DISP1: variants seen among roughly 807,000 people sequenced by gnomAD.
DISP1 encodes the protein dispatched RND transporter family member 1.
In DISP1, 30 loss-of-function variants were observed where a neutral mutation model predicts 37.3. That is an observed-to-expected ratio of 0.80 (90% CI 0.60 to 1.09). The LOEUF is 1.09. Ranked by LOEUF, DISP1 falls within the 50% of genes least tolerant of loss-of-function variation. The probability of loss-of-function intolerance (pLI) is 0.00; values close to 1 mark genes in which losing one functional copy is unlikely to be tolerated. For missense variants in DISP1, 1,598 were observed against 1,879.5 expected (o/e 0.85, Z 2.77); for synonymous variants, 634 against 690.2 (o/e 0.92, Z 1.28).
chr1:222,973,695 T>C (rs1431335582), intron 3 of DISP1, among the ~76,000 whole-genome samples: 4 of 152,238 alleles, frequency 2.6e-5, no homozygotes, highest in Non-Finnish European at 4.4e-5. Context: ...CATCCTTGCA[T>C]ATGCCCTCTT....
At chr1:222,871,819 A>G (rs1300853275) in intron 1 of DISP1, among the ~76,000 whole-genome samples, 1 of 152,166 alleles carries the variant, frequency 6.6e-6, no homozygotes. Context: ...AACTTCCAAC[A>G]CTATGTTGAA....
intron 1 of DISP1, among the ~76,000 whole-genome samples, chr1:222,838,912 TTTTG>T (rs1257262827): frequency 6.6e-6 from 1 of 152,224 alleles, no homozygotes; most frequent in Admixed American, 6.5e-5. Flanking sequence ...TGGATTGTAT[TTTTG>T]TTTGTTTTTC....
At chr1:223,002,090 A>T (rs1679497342) in intron 8 of DISP1, among the ~76,000 whole-genome samples, 2 of 152,140 alleles carry the variant, frequency 1.3e-5, no homozygotes, top group African/African-American at 4.8e-5. Flanking sequence ...TGTTAATTTG[A>T]TCTCCTTTTG....
intron 1 of DISP1, among the ~76,000 whole-genome samples, chr1:222,842,922 T>G (rs1279340650): frequency 1.3e-5 from 2 of 152,030 alleles, no homozygotes; most frequent in African/African-American, 4.8e-5. Flanking sequence ...TTGATGAGGT[T>G]TCAGAATAGT....
At chr1:222,836,682 G>A (rs750167512) in intron 1 of DISP1, among the ~76,000 whole-genome samples, 20 of 151,522 alleles carry the variant, frequency 1.3e-4, no homozygotes, top group Non-Finnish European at 2.6e-4. Context: ...AAAACAAATA[G>A]TATTAAGGAG....
intron 1 of DISP1, among the ~76,000 whole-genome samples, chr1:222,892,508 T>G (rs1670997736): frequency 6.6e-6 from 1 of 152,198 alleles, no homozygotes; most frequent in Non-Finnish European, 1.5e-5. Flanking sequence ...AATTGGTCAT[T>G]TGGACATGTG....
chr1:222,907,752 C>G (rs953820447), intron 1 of DISP1, among the ~76,000 whole-genome samples: 1 of 152,132 alleles, frequency 6.6e-6, no homozygotes, highest in African/African-American at 2.4e-5. Flanking sequence ...GAGTTTGAGA[C>G]CAGCCTGACC....
rs1553331700 is a variant in DISP1, at chr1:222,936,823, T to TTTATATATC, written c.-17-5984_-17-5983insTTATATATC. On this transcript the variant is annotated intron_variant, in intron 2 of 8. Transcript: ENST00000675850. Reference sequence around the variant, plus strand: ...TATTATATATATAAATTATATATAATATATATAAATTATATATATCATATA... The same window carrying TTTATATATC: ...TATTATATATATAAATTATATATAATTTATATATCATATATAAATTATATATATCATATA... Among the ~76,000 whole-genome samples the TTTATATATC allele has an allele frequency of 7.1e-3, 191 of 26,856 alleles. 5 individuals carry two copies. The highest frequency in any genetic ancestry group is 0.012 in the Non-Finnish European group (165 of 13,954). The allele number at this position is 26,856 out of a possible 152,430, so 17.6% of individuals were successfully genotyped here. A position where few individuals can be genotyped will look rare whatever the true frequency, so the allele number is the denominator to read the frequency against.
chr1:222,830,923 T>G (rs888779352), intron 1 of DISP1: 5 of 152,206 alleles, frequency 3.3e-5, no homozygotes, highest in Non-Finnish European at 7.3e-5. Context: ...GTCTTTTTTG[T>G]TTTAGGGATA....
At chr1:222,828,844 T>G (rs1207000162) in intron 1 of DISP1, among the ~76,000 whole-genome samples, 5 of 152,170 alleles carry the variant, frequency 3.3e-5, no homozygotes, top group Non-Finnish European at 7.3e-5. Context: ...TAAAAAAAAA[T>G]TTTAAGTACT....
chr1:222,974,718 C>G (rs894261971), intron 3 of DISP1, among the ~76,000 whole-genome samples: 2 of 152,112 alleles, frequency 1.3e-5, no homozygotes, highest in Non-Finnish European at 2.9e-5. Context: ...ACATTGAGCT[C>G]TGGTGCATGA....
Position 222,828,843 on chromosome 1 carries a change from A to T in DISP1, c.-159+13765A>T, listed in dbSNP as rs531499003. Among the ~76,000 whole-genome samples the T allele has an allele frequency of 1.0e-3, 155 of 152,282 alleles. 1 individual carries two copies. Among genetic ancestry groups the T allele is most frequent in the Admixed American group, 1.5e-3 (23 of 15,292 alleles). On this transcript the variant is annotated intron_variant, in intron 1 of 8. Coordinates refer to ENST00000675850, the MANE Select transcript of DISP1 (RefSeq NM_001377229.1). ...TGGCTCTTCTATACATTAAAAAAAA[A>T]TTTTAAGTACTTAAATACAACAATT...
intron 1 of DISP1, among the ~76,000 whole-genome samples, chr1:222,871,050 C>G (rs1275140640): frequency 6.6e-6 from 1 of 152,122 alleles, no homozygotes. Flanking sequence ...AATAGGGAAT[C>G]CTTTCCCCAT....
At chr1:222,963,867 A>AT (rs1210300372) in intron 3 of DISP1, among the ~76,000 whole-genome samples, 2 of 152,174 alleles carry the variant, frequency 1.3e-5, no homozygotes, top group South Asian at 2.1e-4. Context: ...CATTCTGCAC[A>AT]TGTATCCCGG....
intron 1 of DISP1, among the ~76,000 whole-genome samples, chr1:222,820,778 G>A (rs975666795): frequency 7.9e-5 from 12 of 152,222 alleles, no homozygotes; most frequent in African/African-American, 2.9e-4. Context: ...ACAAGATAAT[G>A]TACATAATGT....
intron 1 of DISP1, among the ~76,000 whole-genome samples, chr1:222,867,472 G>T (rs148628587): frequency 6.6e-6 from 1 of 152,242 alleles, no homozygotes; most frequent in East Asian, 1.9e-4. Flanking sequence ...TATTGTTCAT[G>T]TGGTTAATTT....
rs1679705838 is a variant in DISP1, at chr1:223,004,217, G to A, written c.2820G>A (p.Met940Ile). 4 of 1,614,186 alleles carry A rather than the reference G, an allele frequency of 2.5e-6. No individual in the cohort carries two copies. The highest frequency in any genetic ancestry group is 3.3e-4 in the Middle Eastern group (2 of 6,062). The change falls in exon 9 of 9, where the codon ATG (methionine) becomes ATA (isoleucine). Residue 940 changes from methionine to isoleucine, a missense_variant. Coordinates refer to ENST00000675850, the MANE Select transcript of DISP1 (RefSeq NM_001377229.1). The surrounding 1 kb of genome is among the most constrained non-coding windows in gnomAD (Gnocchi z 4.9). ...TYLFTLAYEKMHQFYKEVDSW... is the reference protein window; with the variant it reads ...TYLFTLAYEKIHQFYKEVDSW... ...TCTTCACACTGGCTTATGAAAAGATGCATCAGTTTTATAAAGAGGTGGACT... is the reference window on the plus strand; with the variant it reads ...TCTTCACACTGGCTTATGAAAAGATACATCAGTTTTATAAAGAGGTGGACT...
intron 1 of DISP1, among the ~76,000 whole-genome samples, chr1:222,854,070 T>C (rs1668417508): frequency 6.6e-6 from 1 of 152,196 alleles, no homozygotes; most frequent in African/African-American, 2.4e-5. Context: ...ATATAAAATT[T>C]GCTCTGGAAA....
intron 3 of DISP1, among the ~76,000 whole-genome samples, chr1:222,969,332 T>G (rs962568328): frequency 1.8e-5 from 2 of 111,332 alleles, no homozygotes; most frequent in African/African-American, 7.0e-5. Context: ...ATCATGCCAT[T>G]GCACTCCAGC....
Sources: gnomAD v4.1 joint callset for allele counts (sites outside exome capture counted in the v4.1 genomes callset) on GRCh38, gnomAD v4.1.1 for gene constraint, Gnocchi (gnomAD v3.1) non-coding constraint, MANE v1.5 for transcripts, NCBI Gene and HGNC (gene_info 2026-07-23, HGNC 2026-07-21) for gene names.